GMDS: variants seen among roughly 807,000 people sequenced by gnomAD.
GMDS encodes GDP-mannose 4,6 dehydratase.
A neutral mutation model predicts 49.9 loss-of-function variants in GMDS; 20 were observed. The ratio of observed to expected loss-of-function variants is 0.40; its 90% confidence interval spans 0.28 to 0.58. The LOEUF (loss-of-function observed/expected upper bound fraction) is 0.58, where lower values mean the gene tolerates loss of function less well. Ranked by LOEUF, GMDS falls within the 20% of genes least tolerant of loss-of-function variation. GMDS has a pLI of 0.42. For missense variants in GMDS, 362 were observed against 481.4 expected (o/e 0.75, Z 2.32); for synonymous variants, 177 against 178.6 (o/e 0.99, Z 0.07).
At chr6:1,868,236 C>T (rs915450538) in intron 7 of GMDS, among the ~76,000 whole-genome samples, 8 of 152,236 alleles carry the variant, frequency 5.3e-5, no homozygotes, top group East Asian at 3.9e-4. Context: ...CTGCCTGCCT[C>T]GGCCTCCCAA....
intron 9 of GMDS, among the ~76,000 whole-genome samples, chr6:1,712,322 T>C (rs1766001388): frequency 6.6e-6 from 1 of 152,236 alleles, no homozygotes; most frequent in Non-Finnish European, 1.5e-5. Flanking sequence ...AAGTTTATCA[T>C]AATCATCCTT....
intron 4 of GMDS, among the ~76,000 whole-genome samples, chr6:2,021,198 A>G (rs1768259565): frequency 6.6e-6 from 1 of 152,246 alleles, no homozygotes; most frequent in South Asian, 2.1e-4. Context: ...TAAGTATTTG[A>G]AAAGGGCCAT....
rs1435407229 is a variant in GMDS, at chr6:2,078,847, T to C, written c.345+36924A>G. On this transcript the variant is annotated intron_variant, in intron 4 of 10. Transcript: ENST00000380815. ...CTTTCTGTCTAAATGATTTGTCTCA[T>C]GCTGAGAATGGGGTTGGAGTTCCCC... Among the ~76,000 whole-genome samples the C allele has an allele frequency of 2.0e-5, 3 of 151,998 alleles. No homozygotes were observed. In the South Asian group the frequency reaches 6.2e-4, roughly 31 times the overall value.
At chr6:2,124,580 C>A (rs1399838569) in intron 2 of GMDS, 107 bp downstream of exon 2, 2 of 831,784 alleles carry the variant, frequency 2.4e-6, no homozygotes, top group South Asian at 1.4e-5. Context: ...TTGTTATCTG[C>A]GTTTCAGTGG....
At chr6:1,767,031 G>C (rs1444815075) in intron 7 of GMDS, among the ~76,000 whole-genome samples, 1 of 152,174 alleles carries the variant, frequency 6.6e-6, no homozygotes, top group Non-Finnish European at 1.5e-5. Flanking sequence ...CTGTTCAGTA[G>C]AAAATGAAAT....
chr6:2,232,715 C>T (rs1781166896), intron 1 of GMDS, among the ~76,000 whole-genome samples: 1 of 152,170 alleles, frequency 6.6e-6, no homozygotes, highest in East Asian at 1.9e-4. Flanking sequence ...CGGAACAGCT[C>T]TCAGAGAACA....
intron 8 of GMDS, among the ~76,000 whole-genome samples, chr6:1,738,218 G>C (rs1346713849): frequency 2.6e-5 from 4 of 151,698 alleles, no homozygotes; most frequent in African/African-American, 9.7e-5. Flanking sequence ...CACACACACA[G>C]ATGCTATCAA....
At chr6:1,878,314 CAA>C (rs11463549) in intron 7 of GMDS, among the ~76,000 whole-genome samples, 3,477 of 72,380 alleles carry the variant, frequency 0.048, 72 homozygotes, top group East Asian at 0.21. Context: ...GAATCCATCT[CAA>C]AAAAAAAAAA....
chr6:1,896,022 A>G (rs1246775525), intron 7 of GMDS, among the ~76,000 whole-genome samples: 2 of 152,158 alleles, frequency 1.3e-5, no homozygotes, highest in African/African-American at 4.8e-5. Context: ...AATGAAGAAT[A>G]TGGAAAAGGA....
intron 7 of GMDS, among the ~76,000 whole-genome samples, chr6:1,867,477 CA>C (rs1286804554): frequency 6.6e-6 from 1 of 152,124 alleles, no homozygotes; most frequent in East Asian, 1.9e-4. Context: ...GCAATTTGTA[CA>C]AATCTAGAAT....
At chr6:1,659,521 C>G (rs1024980857) in intron 9 of GMDS, among the ~76,000 whole-genome samples, 1 of 152,086 alleles carries the variant, frequency 6.6e-6, no homozygotes, top group African/African-American at 2.4e-5. Flanking sequence ...AATATCCATA[C>G]TGTCTACCCA....
intron 8 of GMDS, among the ~76,000 whole-genome samples, chr6:1,734,531 C>T (rs9501764): frequency 0.022 from 3,370 of 152,350 alleles, 117 homozygotes; most frequent in African/African-American, 0.076. Context: ...CCAAGCCAGG[C>T]TTCTGGGCTG....
chr6:1,701,588 G>T (rs918181913), intron 9 of GMDS, among the ~76,000 whole-genome samples: 11 of 152,092 alleles, frequency 7.2e-5, no homozygotes, highest in African/African-American at 2.7e-4. Flanking sequence ...AAAAAGAAAA[G>T]ATGCGTATTC....
intron 4 of GMDS, among the ~76,000 whole-genome samples, chr6:2,105,148 C>T (rs1286494528): frequency 4.4e-5 from 6 of 137,370 alleles, no homozygotes; most frequent in African/African-American, 1.6e-4. Flanking sequence ...CGCCACTGCA[C>T]TCCAGCCTGG....
intron 7 of GMDS, among the ~76,000 whole-genome samples, chr6:1,800,454 T>TG (rs1769904316): frequency 1.3e-5 from 2 of 152,154 alleles, no homozygotes; most frequent in African/African-American, 4.8e-5. Context: ...TTTCTTTTTT[T>TG]GAGATGGAGT....
At chr6:1,867,342 CAT>C (rs1554128066) in intron 7 of GMDS, among the ~76,000 whole-genome samples, 3 of 152,126 alleles carry the variant, frequency 2.0e-5, no homozygotes, top group Non-Finnish European at 4.4e-5. Context: ...TTAACGAAAA[CAT>C]ATTTTACTTA....
chr6:2,237,567 G>T (rs9503131), intron 1 of GMDS, among the ~76,000 whole-genome samples: 5,550 of 149,232 alleles, frequency 0.037, 366 homozygotes, highest in African/African-American at 0.13. Context: ...TGTCACCCAG[G>T]CTGGAGTACA....
At chr6:2,037,129 T>G (rs1220752404) in intron 4 of GMDS, among the ~76,000 whole-genome samples, 1 of 152,132 alleles carries the variant, frequency 6.6e-6, no homozygotes, top group African/African-American at 2.4e-5. Context: ...GCAAACTGTC[T>G]GGGTATCAAC....
Position 1,708,169 on chromosome 6 carries a change from A to G in GMDS, c.987+18247T>C, listed in dbSNP as rs7754198. ...ACCCTCCTGGGGCTCTGAGGGCCATAAAGAATCAGCCATTTGCTCACCATC... is the reference window on the plus strand; with the variant it reads ...ACCCTCCTGGGGCTCTGAGGGCCATGAAGAATCAGCCATTTGCTCACCATC... On this transcript the variant is annotated intron_variant, in intron 9 of 10. Transcript: ENST00000380815. Among the ~76,000 whole-genome samples, 1,000 of 152,324 alleles carry G rather than the reference A, an allele frequency of 6.6e-3. 8 individuals are homozygous for G. Among genetic ancestry groups the G allele is most frequent in the African/African-American group, 0.023 (953 of 41,568 alleles).
Sources: allele counts gnomAD v4.1 joint callset (sites outside exome capture counted in the v4.1 genomes callset), GRCh38; gene constraint gnomAD v4.1.1; transcripts MANE v1.5; gene names NCBI Gene and HGNC (gene_info 2026-07-23, HGNC 2026-07-21).